Variants in CALN1 observed in about 807,000 individuals in gnomAD.
CALN1 encodes calneuron 1.
Under a neutral mutation model 30.6 loss-of-function variants are expected in CALN1, and 17 were observed. The observed-to-expected ratio is 0.56, with a 90% CI of 0.38 to 0.83. The LOEUF is 0.83. Ranked by LOEUF, CALN1 falls within the 40% of genes least tolerant of loss-of-function variation. The pLI is 0.00. For missense variants in CALN1, 291 were observed against 354.9 expected (o/e 0.82, Z 1.45); for synonymous variants, 156 against 131.4 (o/e 1.19, Z -1.28).
chr7:72,381,213 G>A (rs1804879351), intron 2 of CALN1, among the ~76,000 whole-genome samples: 1 of 152,182 alleles, frequency 6.6e-6, no homozygotes. Flanking sequence ...AATTATAGGT[G>A]TTCCTTGCTT....
chr7:71,986,022 A>G (rs536523212), intron 5 of CALN1, among the ~76,000 whole-genome samples: 1 of 151,912 alleles, frequency 6.6e-6, no homozygotes, highest in Non-Finnish European at 1.5e-5. Flanking sequence ...AAAATAATCT[A>G]TATTGACACG....
intron 4 of CALN1, among the ~76,000 whole-genome samples, chr7:72,034,650 T>G (rs1470468187): frequency 6.6e-6 from 1 of 151,726 alleles, no homozygotes; most frequent in Admixed American, 6.6e-5. Context: ...TAGCCAGGCA[T>G]GGTGGTGCTT....
chr7:72,396,939 C>T (rs1806002791), intron 2 of CALN1, among the ~76,000 whole-genome samples: 1 of 152,128 alleles, frequency 6.6e-6, no homozygotes. Context: ...AAGACAGGGT[C>T]TGTCTGTGTT....
rs1157844576 is a variant in CALN1 at position 71,928,051 on chromosome 7, A to T, written c.501+95606T>A. Among the ~76,000 whole-genome samples the T allele has an allele frequency of 2.0e-5, 3 of 152,118 alleles. No individual in the cohort carries two copies. The East Asian group carries it at 5.8e-4, about 29-fold the overall frequency. On this transcript the variant is annotated intron_variant, in intron 5 of 6. Coordinates refer to ENST00000395275, the MANE Select transcript of CALN1 (RefSeq NM_031468.4). ...TCCTAAGGCTTTTGATCCTTAGAGGACTGACCTTGGTGAGAATCTGTGCTT... is the reference window on the plus strand; with the variant it reads ...TCCTAAGGCTTTTGATCCTTAGAGGTCTGACCTTGGTGAGAATCTGTGCTT...
upstream of CALN1, among the ~76,000 whole-genome samples, chr7:72,448,556 A>G (rs1471964146): frequency 6.6e-6 from 1 of 151,632 alleles, no homozygotes; most frequent in African/African-American, 2.4e-5. Flanking sequence ...ATCCCACACT[A>G]TGGAGTCGGT....
intron 3 of CALN1, among the ~76,000 whole-genome samples, chr7:72,136,211 G>A (rs1178868699): frequency 6.6e-6 from 1 of 151,728 alleles, no homozygotes; most frequent in Admixed American, 6.6e-5. Context: ...GTTGTTGAGT[G>A]TAGCCACCTT....
intron 5 of CALN1, among the ~76,000 whole-genome samples, chr7:71,947,434 A>G (rs1053403446): frequency 6.6e-6 from 1 of 152,208 alleles, no homozygotes; most frequent in African/African-American, 2.4e-5. Context: ...AGTACAATGA[A>G]GATATGATAC....
At chr7:72,178,450 T>C (rs746379506) in intron 3 of CALN1, among the ~76,000 whole-genome samples, 1 of 152,080 alleles carries the variant, frequency 6.6e-6, no homozygotes, top group African/African-American at 2.4e-5. Flanking sequence ...CCCAGCACTT[T>C]GGGAGGCTGA....
intron 2 of CALN1, among the ~76,000 whole-genome samples, chr7:72,339,858 A>C (rs766094914): frequency 1.1e-4 from 16 of 152,200 alleles, no homozygotes; most frequent in Non-Finnish European, 1.9e-4. Flanking sequence ...CCCATGATTC[A>C]ATTTCCTCCC....
chr7:72,169,953 G>A (rs1037247109), intron 3 of CALN1, among the ~76,000 whole-genome samples: 4 of 151,580 alleles, frequency 2.6e-5, no homozygotes, highest in African/African-American at 9.7e-5. Flanking sequence ...TTGGCCTCCC[G>A]AAGTGCTGGG....
At chr7:72,271,575 A>AAAAAAAAAAAAAAATATATAT in intron 3 of CALN1, among the ~76,000 whole-genome samples, 2 of 52,126 alleles carry the variant, frequency 3.8e-5, no homozygotes, top group African/African-American at 1.3e-4. Context: ...AAAAAAAAAA[A>AAAAAAAAAAAAAAATATATAT]ATATATATAT....
chr7:72,087,836 A>C (rs918819890), intron 4 of CALN1, among the ~76,000 whole-genome samples: 3 of 152,192 alleles, frequency 2.0e-5, no homozygotes, highest in African/African-American at 7.2e-5. Context: ...AGGGTTGAAC[A>C]AATGTTTTCC....
At chr7:72,247,665 C>T (rs898782147) in intron 3 of CALN1, among the ~76,000 whole-genome samples, 1 of 152,116 alleles carries the variant, frequency 6.6e-6, no homozygotes, top group Admixed American at 6.6e-5. Context: ...GTGGTTGCTG[C>T]GACCAGTGAT....
chr7:72,101,255 A>G (rs987633036), intron 4 of CALN1, among the ~76,000 whole-genome samples: 1 of 152,142 alleles, frequency 6.6e-6, no homozygotes, highest in African/African-American at 2.4e-5. Context: ...AGGTTTTATT[A>G]CAAGAGTTGT....
chr7:72,033,815 C>T (rs1801608975), intron 4 of CALN1, among the ~76,000 whole-genome samples: 1 of 152,054 alleles, frequency 6.6e-6, no homozygotes, highest in Non-Finnish European at 1.5e-5. Flanking sequence ...ACTTTGCTCA[C>T]CAAAGATCAA....
chr7:72,035,943 T>C (rs996423239), intron 4 of CALN1, among the ~76,000 whole-genome samples: 4 of 152,248 alleles, frequency 2.6e-5, no homozygotes, highest in Non-Finnish European at 5.9e-5. Context: ...GTGATCTTTA[T>C]TGCTTCATAT....
chr7:72,143,546 A>G (rs1168883181), intron 3 of CALN1, among the ~76,000 whole-genome samples: 1 of 152,184 alleles, frequency 6.6e-6, no homozygotes, highest in Non-Finnish European at 1.5e-5. Flanking sequence ...GTTGGAAAAC[A>G]CTCTGCAGGA....
intron 2 of CALN1, among the ~76,000 whole-genome samples, chr7:72,396,496 A>C (rs984050223): frequency 5.3e-5 from 8 of 152,042 alleles, no homozygotes; most frequent in East Asian, 1.9e-4. Context: ...GGAAGAAAGA[A>C]GACACTGGTG....
At chr7:72,369,035 G>C (rs912545473) in intron 2 of CALN1, among the ~76,000 whole-genome samples, 1 of 151,086 alleles carries the variant, frequency 6.6e-6, no homozygotes, top group South Asian at 2.1e-4. Flanking sequence ...GGCTGATCTC[G>C]AACTCCTGAC....
Sources: gnomAD v4.1 joint callset for allele counts (sites outside exome capture counted in the v4.1 genomes callset) on GRCh38, gnomAD v4.1.1 for gene constraint, MANE v1.5 for transcripts, NCBI Gene and HGNC (gene_info 2026-07-23, HGNC 2026-07-21) for gene names.